ATRNL1: variants seen among roughly 807,000 people sequenced by gnomAD.
ATRNL1 encodes attractin-like protein 1.
Under a neutral mutation model 182.7 loss-of-function variants are expected in ATRNL1, and 95 were observed. The ratio of observed to expected loss-of-function variants is 0.52; its 90% CI spans 0.44 to 0.62. The LOEUF (loss-of-function observed/expected upper bound fraction) is 0.62. ATRNL1 is among the 20% of genes least tolerant of loss of function. ATRNL1 has a pLI of 0.00. For missense variants in ATRNL1, 1,471 were observed against 1,679.5 expected (o/e 0.88, Z 2.17); for synonymous variants, 576 against 568.3 (o/e 1.01, Z -0.19).
At chr10:115,935,909 T>C (rs1953542390) in intron 28 of ATRNL1, among the ~76,000 whole-genome samples, 1 of 152,192 alleles carries the variant, frequency 6.6e-6, no homozygotes, top group Admixed American at 6.5e-5. Context: ...ATGTAAGTCA[T>C]GTGTTTCCTC....
chr10:115,566,955 C>T (rs187127785), intron 26 of ATRNL1, among the ~76,000 whole-genome samples: 17 of 152,210 alleles, frequency 1.1e-4, no homozygotes, highest in African/African-American at 4.1e-4. Flanking sequence ...ATTGATGAAT[C>T]ATATTCCAAT....
chr10:115,859,121 C>CT (rs1331957121), intron 28 of ATRNL1, among the ~76,000 whole-genome samples: 2 of 152,006 alleles, frequency 1.3e-5, no homozygotes, highest in Non-Finnish European at 2.9e-5. Context: ...CTCTCTTGCC[C>CT]TTATCTAAAC....
At chr10:115,539,218 A>G (rs1554991284) in intron 25 of ATRNL1, among the ~76,000 whole-genome samples, 4 of 152,184 alleles carry the variant, frequency 2.6e-5, no homozygotes, top group African/African-American at 7.2e-5. Flanking sequence ...TTCAATGCTG[A>G]TTATTTCACA....
intron 14 of ATRNL1, 58 bp downstream of exon 14, chr10:115,281,545 G>GA: frequency 6.6e-7 from 1 of 1,516,942 alleles, no homozygotes; most frequent in Non-Finnish European, 9.0e-7. Flanking sequence ...TACTGACATA[G>GA]AAAAGTACAT....
At chr10:115,944,072 G>A (rs1555124861) in intron 28 of ATRNL1, among the ~76,000 whole-genome samples, 1 of 151,668 alleles carries the variant, frequency 6.6e-6, no homozygotes, top group African/African-American at 2.4e-5. Flanking sequence ...GGTATTTTAG[G>A]GCAGTGAAAC....
chr10:115,199,828 T>G (rs1011370965), intron 8 of ATRNL1, among the ~76,000 whole-genome samples: 3 of 152,142 alleles, frequency 2.0e-5, no homozygotes, highest in Non-Finnish European at 4.4e-5. Flanking sequence ...GACTAAAACA[T>G]GAGAAAGAAA....
chr10:115,337,066 T>C (rs1592477774), intron 19 of ATRNL1, among the ~76,000 whole-genome samples: 1 of 151,738 alleles, frequency 6.6e-6, no homozygotes, highest in East Asian at 1.9e-4. Context: ...TTTCACTATG[T>C]TGGCCAGGCT....
Position 115,265,193 on chromosome 10 carries a change from C to A in ATRNL1, c.1688C>A (p.Ala563Asp). 1 of 1,591,774 alleles carries A rather than the reference C, an allele frequency of 6.3e-7. No homozygotes were observed. Among genetic ancestry groups the A allele is most frequent in the South Asian group, 1.1e-5 (1 of 89,088 alleles). ...TGTTTTTCTGTTTTCTTTTTTCTAG[C>A]TTGTGATGAATGGAAAATACTACCA... is the stretch of plus-strand genomic sequence containing the variant. ...FSADFLAYDI[A>D]CDEWKILPKP... The change falls in exon 11 of 29, where the codon GCT (alanine) becomes GAT (aspartate). Residue 563 changes from alanine to aspartate, a missense_variant and splice_region_variant. Transcript: ENST00000355044.
At chr10:115,463,652 T>C (rs1011931846) in intron 22 of ATRNL1, among the ~76,000 whole-genome samples, 2 of 152,122 alleles carry the variant, frequency 1.3e-5, no homozygotes, top group South Asian at 4.1e-4. Flanking sequence ...TATTAAACAA[T>C]AATGCCTCAT....
chr10:115,831,457 T>A (rs1361683389), intron 27 of ATRNL1, among the ~76,000 whole-genome samples: 2 of 152,050 alleles, frequency 1.3e-5, no homozygotes, highest in African/African-American at 4.8e-5. Context: ...GATGAGTGCA[T>A]ATGGATGAGC....
At chr10:115,822,975 C>T (rs1457865536) in intron 27 of ATRNL1, among the ~76,000 whole-genome samples, 1 of 152,098 alleles carries the variant, frequency 6.6e-6, no homozygotes, top group East Asian at 1.9e-4. Context: ...AGAGACACAA[C>T]AAGAAAAGAA....
At chr10:115,151,651 T>C (rs1463696032) in intron 5 of ATRNL1, among the ~76,000 whole-genome samples, 1 of 152,204 alleles carries the variant, frequency 6.6e-6, no homozygotes, top group Non-Finnish European at 1.5e-5. Context: ...GCAAAAACTT[T>C]CTCCCATTCT....
At chr10:115,472,895 A>T (rs1848369469) in intron 24 of ATRNL1, among the ~76,000 whole-genome samples, 1 of 151,090 alleles carries the variant, frequency 6.6e-6, no homozygotes, top group Non-Finnish European at 1.5e-5. Flanking sequence ...AAGTAGTGAA[A>T]CTGGGCATTT....
chr10:115,237,059 T>A (rs1484752840), intron 9 of ATRNL1, among the ~76,000 whole-genome samples: 1 of 152,254 alleles, frequency 6.6e-6, no homozygotes, highest in Non-Finnish European at 1.5e-5. Flanking sequence ...AGTTCCTTTA[T>A]GTCTCTTCAT....
chr10:115,223,869 CAT>C (rs1384743708), intron 9 of ATRNL1, among the ~76,000 whole-genome samples: 86 of 125,074 alleles, frequency 6.9e-4, no homozygotes, highest in Non-Finnish European at 1.1e-3. Flanking sequence ...TTATATATAA[CAT>C]ATGTGTATTT....
chr10:115,369,755 G>A (rs1203247922), intron 19 of ATRNL1, among the ~76,000 whole-genome samples: 8 of 152,060 alleles, frequency 5.3e-5, no homozygotes, highest in Admixed American at 5.2e-4. Flanking sequence ...TTGTCTTCCT[G>A]ATAACAGCCA....
chr10:115,129,260 T>C, intron 4 of ATRNL1, 67 bp from the exon 5 acceptor site: 2 of 1,184,478 alleles, frequency 1.7e-6, no homozygotes, highest in Admixed American at 1.8e-5. Context: ...ATAAAGTTTA[T>C]GATGTATCAA....
chr10:115,757,250 G>A (rs1948614830), intron 27 of ATRNL1, among the ~76,000 whole-genome samples: 1 of 152,128 alleles, frequency 6.6e-6, no homozygotes, highest in Non-Finnish European at 1.5e-5. Context: ...TTTCTTCCTA[G>A]TGTCGATGTT....
intron 25 of ATRNL1, among the ~76,000 whole-genome samples, chr10:115,542,113 A>G (rs1388925045): frequency 2.0e-5 from 3 of 152,114 alleles, no homozygotes; most frequent in Non-Finnish European, 4.4e-5. Context: ...GGCTACTTGT[A>G]ATAGGACTTA....
Sources: allele counts gnomAD v4.1 joint callset (sites outside exome capture counted in the v4.1 genomes callset), GRCh38; gene constraint gnomAD v4.1.1; transcripts MANE v1.5; gene names NCBI Gene and HGNC (gene_info 2026-07-23, HGNC 2026-07-21).